Variants in NOL4L observed in about 807,000 individuals in gnomAD.
NOL4L encodes the protein nucleolar protein 4-like.
In NOL4L, 7 loss-of-function variants were observed where a neutral mutation model predicts 64.5. The ratio of observed to expected loss-of-function variants is 0.11; its 90% CI spans 0.06 to 0.20. The LOEUF is 0.20. Ranked by LOEUF, NOL4L falls within the 10% of genes least tolerant of loss-of-function variation. The pLI, the probability that NOL4L is intolerant of heterozygous loss-of-function variation, is 1.00. For synonymous variants in NOL4L, 413 were observed against 401.0 expected (o/e 1.03, Z -0.36); for missense variants, 680 against 967.1 (o/e 0.70, Z 3.94).
intron 4 of NOL4L, chr20:32,486,929 A>C (rs781243355): frequency 4.7e-5 from 17 of 359,750 alleles, no homozygotes; most frequent in Non-Finnish European, 8.5e-5. Flanking sequence ...CTTGGACTCT[A>C]CAAAACATTC....
At chr20:32,567,213 GAA>G (rs1979483258) in intron 1 of NOL4L, among the ~76,000 whole-genome samples, 2 of 152,188 alleles carry the variant, frequency 1.3e-5, no homozygotes, top group Non-Finnish European at 2.9e-5. Context: ...CTGCGTCAGG[GAA>G]ACAGCAATGT....
chr20:32,510,360 G>A (rs542622083), intron 4 of NOL4L: 1 of 230,720 alleles, frequency 4.3e-6, no homozygotes, highest in South Asian at 6.0e-5. Context: ...CCCAGCTGAA[G>A]TCCTCAAACT....
chr20:32,472,148 G>A (rs777612656), intron 5 of NOL4L, among the ~76,000 whole-genome samples: 4 of 152,232 alleles, frequency 2.6e-5, no homozygotes, highest in Admixed American at 6.5e-5. Context: ...CCCCATCAGA[G>A]GCGGAGCTCC....
chr20:32,487,203 G>T (rs959311852), intron 4 of NOL4L, among the ~76,000 whole-genome samples: 1 of 152,294 alleles, frequency 6.6e-6, no homozygotes, highest in African/African-American at 2.4e-5. Flanking sequence ...AGGAAGCAGA[G>T]GTTGCAGTGA....
At chr20:32,470,523 G>C (rs1488159354) in intron 5 of NOL4L, among the ~76,000 whole-genome samples, 2 of 152,256 alleles carry the variant, frequency 1.3e-5, no homozygotes, top group African/African-American at 4.8e-5. Flanking sequence ...CCCACAGGTG[G>C]CGGCGTAAGT....
intron 4 of NOL4L, among the ~76,000 whole-genome samples, chr20:32,497,472 A>C (rs2016740338): frequency 6.6e-6 from 1 of 152,180 alleles, no homozygotes; most frequent in Non-Finnish European, 1.5e-5. Context: ...CCGCATTCAA[A>C]ATAAAAAGCA....
In NOL4L at chr20:32,521,467, C is replaced by T. The variant is rs539656109; in HGVS notation, c.478-545G>A. On this transcript the variant is annotated intron_variant, in intron 2 of 10. Transcript: ENST00000621426. ...TCAAACTAGACAGGCTCTGCAGGAC[C>T]CCCATGTTCCAGGCAACTATGGCTT... is the stretch of plus-strand genomic sequence containing the variant. 3.9e-5 allele frequency among the ~76,000 whole-genome samples: 6 copies of T among 152,268 alleles called. No homozygotes were observed. The East Asian group carries it at 1.2e-3, about 29-fold the overall frequency.
chr20:32,544,920 G>C (rs2018711455), intron 1 of NOL4L, among the ~76,000 whole-genome samples: 1 of 152,176 alleles, frequency 6.6e-6, no homozygotes, highest in African/African-American at 2.4e-5. Flanking sequence ...CTATTTTACA[G>C]ATCAGGAAAC....
At chr20:32,526,688 A>G (rs149111188) in intron 2 of NOL4L, among the ~76,000 whole-genome samples, 2 of 152,172 alleles carry the variant, frequency 1.3e-5, no homozygotes, top group African/African-American at 4.8e-5. Context: ...CATGGAGGAC[A>G]CTGGCTGACT....
In NOL4L at chr20:32,456,259, C is replaced by T. The variant is rs375106864; in HGVS notation, c.978G>A (p.Thr326=). 2.4e-5 allele frequency: 38 copies of T among 1,603,102 alleles called. No individual in the cohort carries two copies. The highest frequency in any genetic ancestry group is 2.0e-4 in the African/African-American group (15 of 74,418). ...NGAVAPMDFT[T]AAEDQPINLC... ...GGTTGATGGGCTGATCCTCGGCGGC[C>T]GTGGTGAAGTCCATGGGGGCCACGG... The change falls in exon 6 of 11, where the codon ACG becomes ACA. Residue 326 remains threonine, a synonymous_variant. Coordinates refer to ENST00000621426, the MANE Select transcript of NOL4L (RefSeq NM_001256798.2).
chr20:32,575,208 C>T (rs1015370105), intron 1 of NOL4L, among the ~76,000 whole-genome samples: 13 of 152,158 alleles, frequency 8.5e-5, no homozygotes, highest in Non-Finnish European at 1.6e-4. Context: ...CTTCAGATCT[C>T]TCTCCTCCAT....
intron 4 of NOL4L, among the ~76,000 whole-genome samples, chr20:32,499,537 C>T (rs910295072): frequency 2.6e-5 from 4 of 152,008 alleles, no homozygotes; most frequent in African/African-American, 9.7e-5. Flanking sequence ...CCAGGAGTTT[C>T]AGACCAGCTT....
At chr20:32,571,226 C>G (rs939219925) in intron 1 of NOL4L, among the ~76,000 whole-genome samples, 4 of 152,098 alleles carry the variant, frequency 2.6e-5, no homozygotes, top group African/African-American at 9.7e-5. Flanking sequence ...CTCGCTCTGT[C>G]GCCCAGGCTG....
chr20:32,474,076 G>A (rs1046163954), intron 5 of NOL4L, among the ~76,000 whole-genome samples: 10 of 152,218 alleles, frequency 6.6e-5, no homozygotes, highest in African/African-American at 9.6e-5. Flanking sequence ...GCGCGGAGGC[G>A]GTCAGGGCTA....
intron 4 of NOL4L, among the ~76,000 whole-genome samples, chr20:32,488,887 CT>C (rs770784388): frequency 8.8e-6 from 1 of 113,352 alleles, no homozygotes; most frequent in Non-Finnish European, 1.8e-5. Context: ...TTCTTTCTTT[CT>C]TTCTTTCCTC....
chr20:32,483,703 G>A (rs2015904881), intron 4 of NOL4L: 1 of 98,942 alleles, frequency 1.0e-5, no homozygotes, highest in Non-Finnish European at 2.1e-5. Flanking sequence ...AGGGGGAGTA[G>A]GAGGAGCAGC....
chr20:32,543,270 A>G (rs2018684137), intron 1 of NOL4L, among the ~76,000 whole-genome samples: 1 of 152,166 alleles, frequency 6.6e-6, no homozygotes, highest in Non-Finnish European at 1.5e-5. Flanking sequence ...TGCCACCAGA[A>G]AGGGTGATAC....
At chr20:32,493,341 G>A (rs906490914) in intron 4 of NOL4L, among the ~76,000 whole-genome samples, 4 of 152,144 alleles carry the variant, frequency 2.6e-5, no homozygotes, top group South Asian at 2.1e-4. Context: ...CCACAGCTCC[G>A]GTGTGGATGA....
At position 32,522,210 on chromosome 20, in the gene NOL4L, G is replaced by A. The variant is rs140848577; in HGVS notation, c.478-1288C>T. ...GCTCAGCCCACTGGCAGAGTCCAGG[G>A]GCCACTCTTGCCAGCTGCAAATGCG... On this transcript the variant is annotated intron_variant, in intron 2 of 10. Coordinates refer to ENST00000621426, the MANE Select transcript of NOL4L (RefSeq NM_001256798.2). Among the ~76,000 whole-genome samples, 787 of 152,326 alleles carry A rather than the reference G, an allele frequency of 5.2e-3. 8 individuals carry two copies. The highest frequency in any genetic ancestry group is 0.018 in the African/African-American group (758 of 41,578).
Sources: allele counts gnomAD v4.1 joint callset (sites outside exome capture counted in the v4.1 genomes callset), GRCh38; gene constraint gnomAD v4.1.1; transcripts MANE v1.5; gene names NCBI Gene and HGNC (gene_info 2026-07-23, HGNC 2026-07-21).